ARHGEF17: variants seen among roughly 807,000 people sequenced by gnomAD.
ARHGEF17 encodes Rho guanine nucleotide exchange factor 17.
A neutral mutation model predicts 174.0 loss-of-function variants in ARHGEF17; 80 were observed. That is an observed-to-expected ratio of 0.46 (90% confidence interval 0.38 to 0.55). The LOEUF is 0.55. Among genes scored for constraint, ARHGEF17 ranks in the 20% least tolerant of loss-of-function variants. ARHGEF17 has a pLI of 0.00. For synonymous variants in ARHGEF17, 1,311 were observed against 1,189.1 expected (o/e 1.10, Z -2.11); for missense variants, 2,886 against 2,839.7 (o/e 1.02, Z -0.37).
rs117073656 is a variant in ARHGEF17, at chr11:73,326,432, T to G, written c.3192+14602T>G. Among the ~76,000 whole-genome samples, 920 of 152,158 alleles carry G rather than the reference T, an allele frequency of 6.0e-3. 7 individuals are homozygous for G. The highest frequency in any genetic ancestry group is 0.027 in the Middle Eastern group (8 of 294). On this transcript the variant is annotated intron_variant, in intron 1 of 20. Transcript: ENST00000263674. The stretch of plus-strand genomic sequence containing the variant: ...CTGGACTTGATCCCAGAGTGGTAAT[T>G]TCCAAGCTCACGGCTGTAATCCCAG...
chr11:73,369,237 G>C lies in ARHGEF17; in HGVS notation c.*1457G>C, dbSNP rs1022409613. On this transcript the variant is annotated 3_prime_UTR_variant, in exon 21 of 21. Coordinates refer to ENST00000263674, the MANE Select transcript of ARHGEF17 (RefSeq NM_014786.4). Reference sequence around the variant, plus strand: ...GACGGCGAGGTTGCCACGATTTGCTGTGTTACCTGGGCAGGTGGCTGGGCT... The same window carrying C: ...GACGGCGAGGTTGCCACGATTTGCTCTGTTACCTGGGCAGGTGGCTGGGCT... 1 of 152,326 alleles carries C rather than the reference G, an allele frequency of 6.6e-6. No individual in the cohort carries two copies. Among genetic ancestry groups the C allele is most frequent in the African/African-American group, 2.4e-5 (1 of 41,452 alleles). The allele number at this position is 152,326 out of a possible 1,614,324, so 9.4% of individuals were successfully genotyped here.
rs1865823347 is a variant in ARHGEF17, at chr11:73,365,624, C to T, written c.5726-54C>T. The T allele has an allele frequency of 1.4e-5, 22 of 1,607,496 alleles. No homozygotes were observed. In the Admixed American group the frequency reaches 3.5e-4, roughly 26 times the overall value. On this transcript the variant is annotated intron_variant, in intron 19 of 20. Transcript: ENST00000263674. This position sits in a 1 kb window ranked among gnomAD's most constrained non-coding sequence, Gnocchi z 4.9. Reference sequence around the variant, plus strand: ...GAGCCTTTCTGCCCGATCGTAGAGGCGGCTGAGCCAGGGCCAGAATTCAGC... The same window carrying T: ...GAGCCTTTCTGCCCGATCGTAGAGGTGGCTGAGCCAGGGCCAGAATTCAGC...
chr11:73,340,393 C>T (rs942674985), intron 1 of ARHGEF17, among the ~76,000 whole-genome samples: 1 of 152,138 alleles, frequency 6.6e-6, no homozygotes, highest in African/African-American at 2.4e-5. Context: ...ACCTCAGGAC[C>T]TTGTTCTTGC....
chr11:73,359,307 C>T (rs779135443), intron 9 of ARHGEF17, among the ~76,000 whole-genome samples: 2 of 152,244 alleles, frequency 1.3e-5, no homozygotes, highest in Admixed American at 1.3e-4. Flanking sequence ...CCAGAATGTG[C>T]GTCCCAAGCC....
In ARHGEF17 at chr11:73,362,624, G is replaced by GCCCAGAGCTGGTGCCCTTTGACAGTGACA; in HGVS notation, c.4914_4915insACCCAGAGCTGGTGCCCTTTGACAGTGAC (p.Ser1639ThrfsTer102). 1 of 1,611,308 alleles carries GCCCAGAGCTGGTGCCCTTTGACAGTGACA rather than the reference G, an allele frequency of 6.2e-7. No individual in the cohort carries two copies. Among genetic ancestry groups the GCCCAGAGCTGGTGCCCTTTGACAGTGACA allele is most frequent in the Non-Finnish European group, 8.5e-7 (1 of 1,179,990 alleles). ...CCGGGCCTCGGCGAGGGTGACCCCCGCCCAGAGCTGGTGCCCTTTGACAGT... is the reference window on the plus strand; with the variant it reads ...CCGGGCCTCGGCGAGGGTGACCCCCGCCCAGAGCTGGTGCCCTTTGACAGTGACACCCAGAGCTGGTGCCCTTTGACAGT... On this transcript the variant is annotated frameshift_variant, in exon 14 of 21. Transcript: ENST00000263674. LOFTEE classifies it high-confidence loss of function.
In ARHGEF17 at chr11:73,310,797, G is replaced by A. The variant is rs780146576; in HGVS notation, c.2159G>A (p.Ser720Asn). The A allele has an allele frequency of 3.7e-6, 6 of 1,612,256 alleles. No homozygotes were observed. The highest frequency in any genetic ancestry group is 5.1e-6 in the Non-Finnish European group (6 of 1,179,666). ...RKVPPSGSGGSELSNGEAGEA... is the reference protein window; with the variant it reads ...RKVPPSGSGGNELSNGEAGEA... ...GTCCCACCTTCAGGTTCTGGTGGGAGCGAATTGAGCAATGGGGAGGCAGGG... is the reference window on the plus strand; with the variant it reads ...GTCCCACCTTCAGGTTCTGGTGGGAACGAATTGAGCAATGGGGAGGCAGGG... The change falls in exon 1 of 21, where the codon AGC becomes AAC. Residue 720 changes from serine to asparagine, a missense_variant. Transcript: ENST00000263674.
chr11:73,352,947 C>G lies in ARHGEF17; in HGVS notation c.3388C>G (p.Gln1130Glu), dbSNP rs147573130. 5.4e-4 allele frequency: 867 copies of G among 1,614,036 alleles called. No homozygotes were observed. Among genetic ancestry groups the G allele is most frequent in the Non-Finnish European group, 7.0e-4 (827 of 1,180,054 alleles). Residue 1130 changes from glutamine to glutamate, a missense_variant, in exon 3 of 21, where the codon CAG becomes GAG. By Grantham distance (29) the Gln-to-Glu change is conservative. Transcript: ENST00000263674. ...LLEHHEQFLE[Q>E]VRHCMQTWHA... is the part of the protein sequence containing the mutation. The stretch of plus-strand genomic sequence containing the variant: ...GGAGCACCACGAGCAATTCCTGGAG[C>G]AGGTTCGGCACTGCATGCAGACCTG...
intron 1 of ARHGEF17, among the ~76,000 whole-genome samples, chr11:73,323,539 T>C (rs1865050624): frequency 1.3e-5 from 2 of 152,292 alleles, no homozygotes; most frequent in Middle Eastern, 3.4e-3. Context: ...AGCCGCGCTT[T>C]AGGGAGAGGA....
At chr11:73,320,083 A>AACGCCCTC (rs60452567) in intron 1 of ARHGEF17, among the ~76,000 whole-genome samples, 3 of 151,764 alleles carry the variant, frequency 2.0e-5, no homozygotes, top group Non-Finnish European at 4.4e-5. Flanking sequence ...GAAGGAAAGA[A>AACGCCCTC]ACCCCATGTT....
intron 1 of ARHGEF17, 111 bp from the exon 2 acceptor site, chr11:73,346,772 C>A: frequency 2.4e-6 from 2 of 849,930 alleles, no homozygotes; most frequent in Non-Finnish European, 3.4e-6. Context: ...AGGGAAGGGC[C>A]AGGAGGGCAG....
intron 13 of ARHGEF17, 57 bp from the exon 14 acceptor site, chr11:73,362,376 C>T: frequency 6.8e-7 from 1 of 1,469,800 alleles, no homozygotes; most frequent in South Asian, 1.4e-5. Flanking sequence ...GGCGTGTCCA[C>T]CACCGGGGCC....
chr11:73,351,208 A>G (rs1488565943), intron 2 of ARHGEF17, among the ~76,000 whole-genome samples: 1 of 152,196 alleles, frequency 6.6e-6, no homozygotes, highest in Non-Finnish European at 1.5e-5. Flanking sequence ...GCCAAGAGAG[A>G]GGATTCTGTT....
At chr11:73,333,381 C>T (rs1865240328) in intron 1 of ARHGEF17, among the ~76,000 whole-genome samples, 1 of 152,228 alleles carries the variant, frequency 6.6e-6, no homozygotes, top group African/African-American at 2.4e-5. Flanking sequence ...CGCGCGCGCG[C>T]ACTCACACGT....
chr11:73,317,931 G>A (rs1864954914), intron 1 of ARHGEF17, among the ~76,000 whole-genome samples: 1 of 152,170 alleles, frequency 6.6e-6, no homozygotes, highest in Admixed American at 6.5e-5. Flanking sequence ...ACAGCCTGGT[G>A]TCTGTACTAG....
In ARHGEF17 at chr11:73,363,756, G is replaced by A. The variant is rs1265948062; in HGVS notation, c.5256G>A (p.Val1752=). Residue 1752 remains valine, a synonymous_variant, in exon 16 of 21, where the codon GTG becomes GTA. Coordinates refer to ENST00000263674, the MANE Select transcript of ARHGEF17 (RefSeq NM_014786.4). Reference sequence around the variant, plus strand: ...ATACCCCGATCCACAGTGTCCACGTGTACCAGTCCTCCGACAGCATCCGTG... The same window carrying A: ...ATACCCCGATCCACAGTGTCCACGTATACCAGTCCTCCGACAGCATCCGTG... ...WLGTEDGCVH[V]YQSSDSIRDR... is the part of the protein sequence containing the mutation. 7 of 1,614,036 alleles carry A rather than the reference G, an allele frequency of 4.3e-6. No individual in the cohort carries two copies. In the South Asian group the frequency reaches 5.5e-5, roughly 13 times the overall value.
In ARHGEF17 at chr11:73,311,325, C is replaced by T. The variant is rs139353082; in HGVS notation, c.2687C>T (p.Pro896Leu). 106 of 1,613,382 alleles carry T rather than the reference C, an allele frequency of 6.6e-5. 1 individual carries two copies. The African/African-American group carries it at 1.3e-3, about 19-fold the overall frequency. ...ERALPEALPP[P>L]ATAHRNFHLD... is the part of the protein sequence containing the mutation. ...GCCCTACCTGAGGCTCTGCCTCCCC[C>T]TGCCACTGCCCACCGAAACTTTCAC... is the stretch of plus-strand genomic sequence containing the variant. The change falls in exon 1 of 21, where the codon CCT becomes CTT. Residue 896 changes from proline (P) to leucine (L), a missense_variant. By Grantham distance (98) the Pro-to-Leu change is moderately conservative. Around this residue, in one of 4 missense-constraint regions of ARHGEF17, gnomAD observed 1,728 missense variants for 1,461.2 expected, o/e 1.18. Transcript: ENST00000263674.
In ARHGEF17 at chr11:73,362,605, C is replaced by T. The variant is rs532365621; in HGVS notation, c.4867C>T (p.Leu1623Phe). 12 of 1,611,074 alleles carry T rather than the reference C, an allele frequency of 7.4e-6. No homozygotes were observed. The Admixed American group carries it at 2.0e-4, about 27-fold the overall frequency. Residue 1623 changes from leucine to phenylalanine, a missense_variant, in exon 14 of 21, where the codon CTC becomes TTC. Leu to Phe is a conservative substitution (Grantham distance 22). This residue lies in a region of ARHGEF17 where 476 missense variants were observed against 473.1 expected (regional missense o/e 1.01). Transcript: ENST00000263674. The part of the protein sequence containing the change: ...AGSGLEMTPG[L>F]GEGDPRPELV... ...CTCGGGCTTGGAGATGACGCCGGGCCTCGGCGAGGGTGACCCCCGCCCAGA... is the reference window on the plus strand; with the variant it reads ...CTCGGGCTTGGAGATGACGCCGGGCTTCGGCGAGGGTGACCCCCGCCCAGA...
Position 73,308,467 on chromosome 11 carries a change from C to G in ARHGEF17, c.-172C>G. 1 of 582,190 alleles carries G rather than the reference C, an allele frequency of 1.7e-6. No homozygotes were observed. The allele number at this position is 582,190 out of a possible 1,614,324, so 36.1% of individuals were successfully genotyped here. A position where few individuals can be genotyped will look rare whatever the true frequency, so the allele number is the denominator to read the frequency against. On this transcript the variant is annotated 5_prime_UTR_variant, in exon 1 of 21. Coordinates refer to ENST00000263674, the MANE Select transcript of ARHGEF17 (RefSeq NM_014786.4). ...GGATGGAGACGTTGCGGCCGGTGGC[C>G]ACAGAAACTTGAGCCGCGGCAGAGA...
In ARHGEF17 at chr11:73,365,715, T is replaced by C; in HGVS notation, c.5763T>C (p.Cys1921=). The change falls in exon 20 of 21, where the codon TGT becomes TGC. Residue 1921 remains cysteine (C), a synonymous_variant. Transcript: ENST00000263674. This position sits in a 1 kb window ranked among gnomAD's most constrained non-coding sequence, Gnocchi z 4.9. ...TCATCCGGCAGCACAAGGCTGCCTG[T>C]CTGCGAATCACAGCGCTGCTGGTGT... is the stretch of plus-strand genomic sequence containing the variant. The part of the protein sequence containing the change: ...DAIIRQHKAA[C]LRITALLVCE... 6.2e-7 allele frequency: 1 copy of C among 1,613,650 alleles called. No individual in the cohort carries two copies. The highest frequency in any genetic ancestry group is 8.5e-7 in the Non-Finnish European group (1 of 1,179,946).
Sources: allele counts gnomAD v4.1 joint callset (sites outside exome capture counted in the v4.1 genomes callset), GRCh38; gene constraint gnomAD v4.1.1; regional missense constraint gnomAD v4.1.1; non-coding constraint Gnocchi (gnomAD v3.1); transcripts MANE v1.5; gene names NCBI Gene and HGNC (gene_info 2026-07-23, HGNC 2026-07-21).